Variants in FNBP1 observed in about 807,000 individuals in gnomAD.
FNBP1 encodes formin binding protein 1.
FNBP1 carries 26 observed loss-of-function variants against 90.6 expected under a neutral mutation model. The ratio of observed to expected loss-of-function variants is 0.29; its 90% CI spans 0.21 to 0.40. The LOEUF (loss-of-function observed/expected upper bound fraction) is 0.40, where lower values mean the gene tolerates loss of function less well. Among genes scored for constraint, FNBP1 ranks in the 10% least tolerant of loss-of-function variants. The pLI is 1.00. For missense variants in FNBP1, 635 were observed against 768.0 expected, an observed-to-expected ratio of 0.83 and a Z score of 2.05; for synonymous variants, 260 against 265.2, an observed-to-expected ratio of 0.98 and a Z score of 0.19.
At chr9:130,016,262 G>T (rs556516641) in intron 1 of FNBP1, among the ~76,000 whole-genome samples, 2 of 152,212 alleles carry the variant, frequency 1.3e-5, no homozygotes, top group Admixed American at 1.3e-4. Flanking sequence ...AGGTCATGAG[G>T]GTGGGCCCCT....
At chr9:130,029,659 A>C (rs1283155756) in intron 1 of FNBP1, among the ~76,000 whole-genome samples, 1 of 152,182 alleles carries the variant, frequency 6.6e-6, no homozygotes, top group Non-Finnish European at 1.5e-5. Context: ...AGCCACATCA[A>C]AACTACCTAG....
At chr9:130,030,752 C>A (rs1474274728) in intron 1 of FNBP1, among the ~76,000 whole-genome samples, 2 of 152,198 alleles carry the variant, frequency 1.3e-5, no homozygotes, top group Non-Finnish European at 2.9e-5. Context: ...TATGAATATA[C>A]TTCTCACTAT....
intron 11 of FNBP1, among the ~76,000 whole-genome samples, chr9:129,913,425 T>G (rs1421914438): frequency 6.6e-6 from 1 of 152,090 alleles, no homozygotes; most frequent in Non-Finnish European, 1.5e-5. Context: ...CACATGTACC[T>G]ATGTTTTAAG....
Position 129,957,453 on chromosome 9 carries a change from T to A in FNBP1, c.420A>T (p.Arg140=). 1 of 1,613,092 alleles carries A rather than the reference T, an allele frequency of 6.2e-7. No homozygotes were observed. The change falls in exon 6 of 17, where the codon CGA becomes CGT. Residue 140 remains arginine, a synonymous_variant. Coordinates refer to ENST00000446176, the MANE Select transcript of FNBP1 (RefSeq NM_015033.3). The surrounding 1 kb of genome is among the most constrained non-coding windows in gnomAD (Gnocchi z 4.3). The stretch of plus-strand genomic sequence containing the variant: ...CCGCCTCTTTGCAATCGCGTTCAAA[T>A]CGCCTTTTACTCTAAAATCAGAGGA... ...CWKQLESSKR[R]FERDCKEADR...
Position 129,918,890 on chromosome 9 carries a change from A to G in FNBP1, c.1171-2910T>C, listed in dbSNP as rs368130690. ...AAAAGAGAAAAACAAAAAAAAAAAC[A>G]AAAAAACAAGCTCAGCTCACCACTG... On this transcript the variant is annotated intron_variant, in intron 10 of 16. Coordinates refer to ENST00000446176, the MANE Select transcript of FNBP1 (RefSeq NM_015033.3). 1,145 of 174,388 alleles carry G rather than the reference A, an allele frequency of 6.6e-3. 5 individuals are homozygous for G. Among genetic ancestry groups the G allele is most frequent in the East Asian group, 0.01 (69 of 6,816 alleles). The allele number at this position is 174,388 out of a possible 1,614,324, so 10.8% of individuals were successfully genotyped here.
At chr9:129,924,495 T>C (rs1006417365) in intron 9 of FNBP1, among the ~76,000 whole-genome samples, 3 of 152,388 alleles carry the variant, frequency 2.0e-5, no homozygotes, top group African/African-American at 2.4e-5. Context: ...CCCAGGTTAA[T>C]GCTGTCATGC....
At chr9:129,985,814 C>T (rs4836684) in intron 2 of FNBP1, among the ~76,000 whole-genome samples, 148,462 of 152,166 alleles carry the variant, frequency 0.98, 72,527 homozygotes, top group East Asian at 1. Context: ...AATACAAAAT[C>T]AGCCAGGTGT....
chr9:129,892,404 C>CAT, intron 16 of FNBP1, among the ~76,000 whole-genome samples: 1 of 146,832 alleles, frequency 6.8e-6, no homozygotes, highest in Non-Finnish European at 1.5e-5. Flanking sequence ...CACACACACA[C>CAT]ACACACACAC....
rs541653940 is a variant in FNBP1, at chr9:130,024,652, T to G, written c.24+18300A>C. 9.2e-5 allele frequency among the ~76,000 whole-genome samples: 14 copies of G among 152,294 alleles called. No homozygotes were observed. The South Asian group carries it at 2.1e-3, about 23-fold the overall frequency. On this transcript the variant is annotated intron_variant, in intron 1 of 16. Transcript: ENST00000446176. ...TCTTCCATCTCTAATGACTGTTCAT[T>G]CCGCTTTCTCAATTACTGGCATTTC...
chr9:129,955,830 AGCGC>A (rs199740942), intron 6 of FNBP1, among the ~76,000 whole-genome samples: 1 of 77,262 alleles, frequency 1.3e-5, no homozygotes, highest in African/African-American at 5.9e-5. Flanking sequence ...TACTTCTTTT[AGCGC>A]GCACACACAC....
rs113736104 is a variant in FNBP1, at chr9:129,965,607, C to T, written c.346-7054G>A. On this transcript the variant is annotated intron_variant, in intron 4 of 16. Coordinates refer to ENST00000446176, the MANE Select transcript of FNBP1 (RefSeq NM_015033.3). The stretch of plus-strand genomic sequence containing the variant: ...GCCGCAATCCCAGTACTTTGAGAGG[C>T]CGAGGCAGGGGGATCGCTTGAGGCC... 2.6e-5 allele frequency among the ~76,000 whole-genome samples: 4 copies of T among 151,988 alleles called. No individual in the cohort carries two copies. The South Asian group carries it at 6.2e-4, about 24-fold the overall frequency.
the FNBP1 span, among the ~76,000 whole-genome samples, chr9:130,048,873 T>C: frequency 3.9e-5 from 5 of 129,184 alleles, no homozygotes; most frequent in South Asian, 1.2e-3. Context: ...CTCCGCCTCC[T>C]GGGTTCAAGC....
chr9:130,049,704 AAAAAAT>A, the FNBP1 span, among the ~76,000 whole-genome samples: 6 of 152,176 alleles, frequency 3.9e-5, no homozygotes, highest in Middle Eastern at 3.4e-3. Context: ...CTGTCTCAAA[AAAAAAT>A]AAAAATAAAA....
At chr9:130,022,467 G>A (rs922787498) in intron 1 of FNBP1, among the ~76,000 whole-genome samples, 2 of 152,164 alleles carry the variant, frequency 1.3e-5, no homozygotes, top group Admixed American at 6.5e-5. Flanking sequence ...TCGGCCTTCC[G>A]AAGTGCTGGG....
intron 6 of FNBP1, among the ~76,000 whole-genome samples, chr9:129,948,608 T>C (rs1482840476): frequency 6.6e-6 from 1 of 152,054 alleles, no homozygotes; most frequent in African/African-American, 2.4e-5. Flanking sequence ...AATGGCATGA[T>C]CTCAGCTCAC....
At chr9:130,006,956 G>A (rs534340652) in intron 1 of FNBP1, among the ~76,000 whole-genome samples, 14 of 152,146 alleles carry the variant, frequency 9.2e-5, no homozygotes, top group Admixed American at 5.9e-4. Flanking sequence ...TGTGGAGGCC[G>A]GGTGCGGCGG....
At chr9:130,045,568 T>G (rs1424378860), upstream of FNBP1, among the ~76,000 whole-genome samples, 1 of 152,164 alleles carries the variant, frequency 6.6e-6, no homozygotes. Flanking sequence ...GATGAAACTT[T>G]TTAAGACGAG....
At chr9:129,947,599 A>T (rs1192061664) in intron 6 of FNBP1, among the ~76,000 whole-genome samples, 1 of 151,888 alleles carries the variant, frequency 6.6e-6, no homozygotes. Context: ...TGAATACTTC[A>T]CGACTTAGGA....
chr9:129,895,415 C>T, intron 16 of FNBP1: 1 of 1,096,886 alleles, frequency 9.1e-7, no homozygotes, highest in Non-Finnish European at 1.1e-6. Flanking sequence ...TAATGTAGCT[C>T]AGTGTATGGT....
Sources: allele counts gnomAD v4.1 joint callset (sites outside exome capture counted in the v4.1 genomes callset), GRCh38; gene constraint gnomAD v4.1.1; non-coding constraint Gnocchi (gnomAD v3.1); transcripts MANE v1.5; gene names NCBI Gene and HGNC (gene_info 2026-07-23, HGNC 2026-07-21).